Variants in IGHMBP2 observed in about 807,000 individuals in gnomAD.
IGHMBP2 encodes immunoglobulin mu DNA binding protein 2, also known as DNA-binding protein SMUBP-2.
In IGHMBP2, 81 loss-of-function variants were observed where a neutral mutation model predicts 96.0. That is an observed-to-expected ratio of 0.84 (90% CI 0.71 to 1.01). IGHMBP2 has a LOEUF of 1.01. IGHMBP2 is among the 50% of genes least tolerant of loss of function. The probability of loss-of-function intolerance (pLI) is 0.00; values close to 1 mark genes in which losing one functional copy is unlikely to be tolerated. For missense variants in IGHMBP2, 1,227 were observed against 1,306.3 expected (o/e 0.94, Z 0.94); for synonymous variants, 557 against 548.9 (o/e 1.01, Z -0.21).
At chr11:68,925,446 G>A (rs1204687260) in intron 7 of IGHMBP2, among the ~76,000 whole-genome samples, 1 of 152,094 alleles carries the variant, frequency 6.6e-6, no homozygotes, top group Non-Finnish European at 1.5e-5. Context: ...ACCACACCTG[G>A]CTAGATTCTA....
intron 8 of IGHMBP2, chr11:68,933,066 C>T (rs1472719941): frequency 1.7e-6 from 1 of 585,138 alleles, no homozygotes; most frequent in Non-Finnish European, 3.1e-6. Flanking sequence ...AACTTCATCT[C>T]AGCTGCAGCG....
chr11:68,935,741 G>A (rs1566445496), intron 12 of IGHMBP2, among the ~76,000 whole-genome samples: 1 of 152,232 alleles, frequency 6.6e-6, no homozygotes, highest in Admixed American at 6.5e-5. Context: ...CTCCATGCAC[G>A]GAGCCGCGGG....
chr11:68,905,899 GA>G (rs1858171450), intron 1 of IGHMBP2, among the ~76,000 whole-genome samples, 169 bp from the exon 2 acceptor site: 1 of 152,356 alleles, frequency 6.6e-6, no homozygotes, highest in South Asian at 2.1e-4. Flanking sequence ...GCCCTAGGGG[GA>G]TGTAGGAGGA....
At chr11:68,937,680 C>A (rs946955274) in intron 13 of IGHMBP2, 4 of 230,572 alleles carry the variant, frequency 1.7e-5, no homozygotes, top group Non-Finnish European at 3.5e-5. Flanking sequence ...GAGCGTGTAG[C>A]GGTCTTGGGG....
At position 68,933,916 on chromosome 11, in the gene IGHMBP2, G is replaced by T; in HGVS notation, c.1537+3G>T. ...CGAACAGTCGAAAGGGAACCCTGGTGAGCTTGCTTGCAGATGGCCAGCTTT... is the reference window on the plus strand; with the variant it reads ...CGAACAGTCGAAAGGGAACCCTGGTTAGCTTGCTTGCAGATGGCCAGCTTT... On this transcript the variant is annotated splice_donor_region_variant and intron_variant, in intron 10 of 14. Transcript: ENST00000255078. The T allele has an allele frequency of 6.3e-7, 1 of 1,579,170 alleles. No homozygotes were observed. Among genetic ancestry groups the T allele is most frequent in the South Asian group, 1.1e-5 (1 of 87,416 alleles).
In IGHMBP2 at chr11:68,933,900, G is replaced by C. The variant is rs747627986; in HGVS notation, c.1524G>C (p.Ser508=). The change falls in exon 10 of 15, where the codon TCG becomes TCC. Residue 508 remains serine, a synonymous_variant. Coordinates refer to ENST00000255078, the MANE Select transcript of IGHMBP2 (RefSeq NM_002180.3). ...LFELEEEDEQ[S]KGNPGEVRLV... is the part of the protein sequence containing the mutation. ...AGCTGGAGGAGGAGGACGAACAGTC[G>C]AAAGGGAACCCTGGTGAGCTTGCTT... The C allele has an allele frequency of 1.3e-6, 2 of 1,592,922 alleles. No individual in the cohort carries two copies. Among genetic ancestry groups the C allele is most frequent in the African/African-American group, 2.7e-5 (2 of 74,572 alleles).
chr11:68,935,299 G>A lies in IGHMBP2; in HGVS notation c.1633G>A (p.Val545Met). The change falls in exon 12 of 15, where the codon GTG becomes ATG. Residue 545 changes from valine to methionine, a missense_variant and splice_region_variant. Physicochemically the swap from Val to Met is conservative, Grantham distance 21. Coordinates refer to ENST00000255078, the MANE Select transcript of IGHMBP2 (RefSeq NM_002180.3). Reference sequence around the variant, plus strand: ...AACCACAGCCCGGCTGGTGTTTCAGGTGGACCTGCTCAGACAGAGCCTTGT... The same window carrying A: ...AACCACAGCCCGGCTGGTGTTTCAGATGGACCTGCTCAGACAGAGCCTTGT... ...IAVVSPYNLQ[V>M]DLLRQSLVHR... 6.2e-7 allele frequency: 1 copy of A among 1,613,992 alleles called. No homozygotes were observed. The highest frequency in any genetic ancestry group is 8.5e-7 in the Non-Finnish European group (1 of 1,180,002).
intron 7 of IGHMBP2, among the ~76,000 whole-genome samples, chr11:68,925,867 A>G (rs1859047360): frequency 6.6e-6 from 1 of 152,160 alleles, no homozygotes; most frequent in Non-Finnish European, 1.5e-5. Context: ...GCTGCTTTCA[A>G]GTGTCGTCTT....
chr11:68,925,817 C>T (rs965315701), intron 7 of IGHMBP2, among the ~76,000 whole-genome samples: 3 of 152,208 alleles, frequency 2.0e-5, no homozygotes, highest in African/African-American at 4.8e-5. Flanking sequence ...CTATTGATCT[C>T]ATTGAGGGCT....
At position 68,939,833 on chromosome 11, in the gene IGHMBP2, G is replaced by T. The variant is rs1009583846; in HGVS notation, c.*102G>T. On this transcript the variant is annotated 3_prime_UTR_variant, in exon 15 of 15. Transcript: ENST00000255078. ...ACCAGGGCCACAGAGGAGCGGAGGG[G>T]CCTATGGGGGAGGAGCGGAGGGCCC... 7 of 1,266,524 alleles carry T rather than the reference G, an allele frequency of 5.5e-6. No individual in the cohort carries two copies. In the African/African-American group the frequency reaches 1.0e-4, roughly 19 times the overall value. 78.5% of individuals were successfully genotyped at this position (1,266,524 alleles called of 1,614,324 possible). A position where few individuals can be genotyped will look rare whatever the true frequency, so the allele number is the denominator to read the frequency against.
intron 7 of IGHMBP2, among the ~76,000 whole-genome samples, chr11:68,922,521 G>A (rs1007879260): frequency 6.6e-6 from 1 of 151,424 alleles, no homozygotes; most frequent in Non-Finnish European, 1.5e-5. Context: ...TCAGCCTCTG[G>A]AATAGCTGGG....
chr11:68,939,552 A>T lies in IGHMBP2; in HGVS notation c.2803A>T (p.Arg935Trp). Residue 935 changes from arginine (R) to tryptophan (W), a missense_variant, in exon 15 of 15, where the codon AGG becomes TGG. Physicochemically the swap from Arg to Trp is moderately radical, Grantham distance 101. This residue lies in a region of IGHMBP2 where 703 missense variants were observed against 770.3 expected (regional missense o/e 0.91). Coordinates refer to ENST00000255078, the MANE Select transcript of IGHMBP2 (RefSeq NM_002180.3). ...HLPEIHGCGE[R>W]ARAHARQRIS... The stretch of plus-strand genomic sequence containing the variant: ...TCCCCAGATCCATGGCTGCGGTGAG[A>T]GGGCTCGCGCCCATGCCCGGCAGAG... 6.2e-7 allele frequency: 1 copy of T among 1,612,156 alleles called. No individual in the cohort carries two copies. The highest frequency in any genetic ancestry group is 1.1e-5 in the South Asian group (1 of 91,026).
At chr11:68,929,522 A>G (rs545805570) in intron 8 of IGHMBP2, among the ~76,000 whole-genome samples, 165 bp downstream of exon 8, 10 of 152,300 alleles carry the variant, frequency 6.6e-5, no homozygotes, top group Non-Finnish European at 1.5e-4. Context: ...TCAACGTCGC[A>G]TCTGTGAGAT....
rs759627672 is a variant in IGHMBP2 at position 68,939,605 on chromosome 11, C to A, written c.2856C>A (p.Ala952=). Residue 952 remains alanine, a synonymous_variant, in exon 15 of 15, where the codon GCC becomes GCA. Coordinates refer to ENST00000255078, the MANE Select transcript of IGHMBP2 (RefSeq NM_002180.3). ...QRISREGVLY[A]GSGTKNGSLD... is the part of the protein sequence containing the mutation. The stretch of plus-strand genomic sequence containing the variant: ...TCAGCCGGGAAGGGGTCCTCTATGC[C>A]GGCAGCGGGACCAAGAACGGATCCC... The A allele has an allele frequency of 1.9e-6, 3 of 1,613,332 alleles. No homozygotes were observed. Among genetic ancestry groups the A allele is most frequent in the African/African-American group, 1.3e-5 (1 of 74,924 alleles).
At chr11:68,913,153 G>A (rs1257958025) in intron 5 of IGHMBP2, among the ~76,000 whole-genome samples, 1 of 151,806 alleles carries the variant, frequency 6.6e-6, no homozygotes, top group African/African-American at 2.4e-5. Flanking sequence ...CTCGGGCAGA[G>A]CGCAGGGAAG....
intron 7 of IGHMBP2, among the ~76,000 whole-genome samples, chr11:68,919,187 C>CTCCCCGTCCCCG (rs11282962): frequency 6.4e-4 from 94 of 147,350 alleles, no homozygotes; most frequent in African/African-American, 2.2e-3. Context: ...CTCCCCTCCC[C>CTCCCCGTCCCCG]TCCCCGTCCC....
chr11:68,908,371 T>A (rs1244679092), intron 3 of IGHMBP2, 34 bp downstream of exon 3: 2 of 1,592,516 alleles, frequency 1.3e-6, no homozygotes, highest in Non-Finnish European at 1.7e-6. Flanking sequence ...CTAAGTACCA[T>A]CTTCCTTCAA....
At chr11:68,906,640 CTTT>C (rs60710565) in intron 2 of IGHMBP2, among the ~76,000 whole-genome samples, 1 of 117,586 alleles carries the variant, frequency 8.5e-6, no homozygotes, top group African/African-American at 3.3e-5. Context: ...CATTTCTTTT[CTTT>C]TTTTTTTTTT....
At chr11:68,915,075 CTT>C in intron 6 of IGHMBP2, 52 bp downstream of exon 6, 13 of 1,402,560 alleles carry the variant, frequency 9.3e-6, no homozygotes, top group Non-Finnish European at 1.3e-5. Context: ...GATCTGCAGT[CTT>C]TTTAAGGAGC....
Sources: gnomAD v4.1 joint callset for allele counts (sites outside exome capture counted in the v4.1 genomes callset) on GRCh38, gnomAD v4.1.1 for gene constraint, gnomAD v4.1.1 regional missense constraint, MANE v1.5 for transcripts, NCBI Gene and HGNC (gene_info 2026-07-23, HGNC 2026-07-21) for gene names.